HACL1: variants seen among roughly 807,000 people sequenced by gnomAD.
The protein encoded by HACL1 is 2-hydroxyacyl-CoA lyase 1, also known as 1600020H07Rik.
In HACL1, 64 loss-of-function variants were observed where a neutral mutation model predicts 74.2. The observed-to-expected ratio is 0.86, with a 90% confidence interval of 0.70 to 1.06. HACL1 has a LOEUF of 1.06. Ranked by LOEUF, HACL1 falls within the 50% of genes least tolerant of loss-of-function variation. HACL1 has a pLI of 0.00. For missense variants in HACL1, 728 were observed against 719.7 expected, an observed-to-expected ratio of 1.01 and a Z score of -0.13; for synonymous variants, 230 against 238.8, an observed-to-expected ratio of 0.96 and a Z score of 0.34.
intron 15 of HACL1, 93 bp from the exon 16 acceptor site, chr3:15,563,637 G>C (rs2063384705): frequency 1.3e-6 from 1 of 752,402 alleles, no homozygotes; most frequent in Non-Finnish European, 2.2e-6. Context: ...AAAAATTTCA[G>C]CTGAACTCAA....
At chr3:15,578,855 A>G (rs2063671241) in intron 9 of HACL1, among the ~76,000 whole-genome samples, 1 of 152,144 alleles carries the variant, frequency 6.6e-6, no homozygotes, top group Non-Finnish European at 1.5e-5. Context: ...GTGATACTAT[A>G]AGGGAGCAGC....
chr3:15,562,869 C>T (rs1209052594), intron 16 of HACL1, among the ~76,000 whole-genome samples: 1 of 152,218 alleles, frequency 6.6e-6, no homozygotes, highest in Non-Finnish European at 1.5e-5. Flanking sequence ...CATGCTTCCT[C>T]TTTCCTCTTG....
intron 8 of HACL1, among the ~76,000 whole-genome samples, chr3:15,581,786 A>G (rs779243677): frequency 9.2e-5 from 14 of 152,180 alleles, no homozygotes; most frequent in South Asian, 2.1e-4. Context: ...CCCCTCCCCA[A>G]TAGGTAGGAA....
chr3:15,568,595 T>A lies in HACL1; in HGVS notation c.1096-9A>T, dbSNP rs754235035. The A allele has an allele frequency of 1.2e-5, 17 of 1,411,644 alleles. No homozygotes were observed. The highest frequency in any genetic ancestry group is 1.6e-5 in the Non-Finnish European group (16 of 1,013,844). 87.4% of individuals were successfully genotyped at this position (1,411,644 alleles called of 1,614,324 possible). ...TTTTTAGAAGCTAGTTCCTGAAAAG[T>A]AGATGGGAATATAATCAAATTAAAT... On this transcript the variant is annotated splice_polypyrimidine_tract_variant and intron_variant, in intron 12 of 16. Coordinates refer to ENST00000321169, the MANE Select transcript of HACL1 (RefSeq NM_012260.4).
At chr3:15,600,378 G>T (rs1381472018) in intron 2 of HACL1, among the ~76,000 whole-genome samples, 2 of 152,258 alleles carry the variant, frequency 1.3e-5, no homozygotes, top group East Asian at 1.9e-4. Flanking sequence ...TATCACAGAA[G>T]TGGATTCTTG....
chr3:15,595,075 C>T (rs1237737991), intron 3 of HACL1, among the ~76,000 whole-genome samples: 5 of 151,904 alleles, frequency 3.3e-5, no homozygotes, highest in Non-Finnish European at 7.4e-5. Context: ...TCCACTGAGC[C>T]GAGATTGCAC....
intron 5 of HACL1, among the ~76,000 whole-genome samples, chr3:15,587,153 T>G (rs1030002420): frequency 1.3e-5 from 2 of 151,824 alleles, no homozygotes; most frequent in East Asian, 3.9e-4. Context: ...TTTCTCTTGA[T>G]GTTTTAGTAT....
chr3:15,576,018 T>C (rs2063618266), intron 9 of HACL1, among the ~76,000 whole-genome samples: 1 of 920 alleles, frequency 1.1e-3, no homozygotes, highest in Non-Finnish European at 1.4e-3. Flanking sequence ...TAGCTGGTTG[T>C]GGTGGTGCGT....
Position 15,563,610 on chromosome 3 carries a change from C to G in HACL1, c.1518-66G>C, listed in dbSNP as rs532040608. The stretch of plus-strand genomic sequence containing the variant: ...AACCTTGTAGAAAAAAAGTCATTCT[C>G]TGAAATACTTCATTAAAAAAATTTC... On this transcript the variant is annotated intron_variant, in intron 15 of 16. Transcript: ENST00000321169. 1.6e-5 allele frequency: 16 copies of G among 1,009,392 alleles called. No individual in the cohort carries two copies. The African/African-American group carries it at 2.3e-4, about 14-fold the overall frequency. The allele number at this position is 1,009,392 out of a possible 1,614,324, so 62.5% of individuals were successfully genotyped here. A position where few individuals can be genotyped will look rare whatever the true frequency, so the allele number is the denominator to read the frequency against.
intron 5 of HACL1, among the ~76,000 whole-genome samples, chr3:15,587,638 G>A (rs768837899): frequency 6.6e-6 from 1 of 152,188 alleles, no homozygotes; most frequent in Non-Finnish European, 1.5e-5. Flanking sequence ...AGTTTCTGCA[G>A]TAACTTTAGA....
chr3:15,595,848 T>A (rs2125291987), intron 3 of HACL1: 1 of 152,312 alleles, frequency 6.6e-6, no homozygotes, highest in East Asian at 1.9e-4. Flanking sequence ...TGACCTCAGG[T>A]GATCCACCTG....
At chr3:15,566,276 G>A (rs1449727097) in intron 14 of HACL1, among the ~76,000 whole-genome samples, 5 of 152,148 alleles carry the variant, frequency 3.3e-5, no homozygotes, top group African/African-American at 1.2e-4. Context: ...CTATAGTGAG[G>A]ATCTACAATT....
Position 15,575,014 on chromosome 3 carries a change from A to T in HACL1, c.872T>A (p.Leu291Gln). 2 of 1,588,764 alleles carry T rather than the reference A, an allele frequency of 1.3e-6. No individual in the cohort carries two copies. Among genetic ancestry groups the T allele is most frequent in the Non-Finnish European group, 1.7e-6 (2 of 1,157,780 alleles). ...ARLNWILHFG[L>Q]PPRYQPDVKF... ...CACATCTGGCTGATATCTTGGAGGC[A>T]GTCCAAAATGTAAAATCCAATTTAG... Residue 291 changes from leucine (L) to glutamine (Q), a missense_variant, in exon 10 of 17, where the codon CTG becomes CAG. Leu to Gln is a moderately radical substitution (Grantham distance 113, BLOSUM62 -2). Coordinates refer to ENST00000321169, the MANE Select transcript of HACL1 (RefSeq NM_012260.4).
At chr3:15,596,945 T>G (rs570085027) in intron 2 of HACL1, among the ~76,000 whole-genome samples, 2 of 152,318 alleles carry the variant, frequency 1.3e-5, no homozygotes, top group South Asian at 2.1e-4. Context: ...CACTGGTTTT[T>G]AATTTTCTTT....
intron 2 of HACL1, among the ~76,000 whole-genome samples, chr3:15,598,183 C>T (rs1397206254): frequency 1.3e-5 from 2 of 152,048 alleles, no homozygotes; most frequent in Non-Finnish European, 2.9e-5. Context: ...CACCACCACG[C>T]CTGGCTAATT....
chr3:15,593,168 T>C (rs916381543), intron 3 of HACL1, among the ~76,000 whole-genome samples: 1 of 150,304 alleles, frequency 6.7e-6, no homozygotes, highest in East Asian at 2.0e-4. Flanking sequence ...CATACGTATA[T>C]ATGTGTGTAT....
chr3:15,569,882 C>T lies in HACL1; in HGVS notation c.1096-1296G>A, dbSNP rs368250347. Among the ~76,000 whole-genome samples, 25 of 151,030 alleles carry T rather than the reference C, an allele frequency of 1.7e-4. No homozygotes were observed. In the East Asian group the frequency reaches 1.8e-3, roughly 11 times the overall value. ...CCAGCTACCTGTAATCCCAGCTACTCGGGAGGCTGAGGCAGGAGAATTGCT... is the reference window on the plus strand; with the variant it reads ...CCAGCTACCTGTAATCCCAGCTACTTGGGAGGCTGAGGCAGGAGAATTGCT... On this transcript the variant is annotated intron_variant, in intron 12 of 16. Transcript: ENST00000321169.
At chr3:15,565,343 CG>C in intron 14 of HACL1, among the ~76,000 whole-genome samples, 1 of 152,218 alleles carries the variant, frequency 6.6e-6, no homozygotes, top group African/African-American at 2.4e-5. Flanking sequence ...GTGTTTGAAA[CG>C]TACCTTTCTA....
rs564914803 is a variant in HACL1 at position 15,581,736 on chromosome 3, C to A, written c.667+1141G>T. On this transcript the variant is annotated intron_variant, in intron 8 of 16. Transcript: ENST00000321169. ...CACCTCAACCTCTCTGTACACACCA[C>A]GCAAGAACATACCGCACTTACTTGT... Among the ~76,000 whole-genome samples the A allele has an allele frequency of 6.6e-5, 10 of 152,302 alleles. No homozygotes were observed. The East Asian group carries it at 1.9e-3, about 29-fold the overall frequency.
Sources: gnomAD v4.1 joint callset for allele counts (sites outside exome capture counted in the v4.1 genomes callset) on GRCh38, gnomAD v4.1.1 for gene constraint, MANE v1.5 for transcripts, NCBI Gene and HGNC (gene_info 2026-07-23, HGNC 2026-07-21) for gene names.